LRRC37A2: variants seen among roughly 807,000 people sequenced by gnomAD.
LRRC37A2 encodes leucine rich repeat containing 37 member A2.
In LRRC37A2, 9 loss-of-function variants were observed where a neutral mutation model predicts 68.8. The ratio of observed to expected loss-of-function variants is 0.13; its 90% CI spans 0.08 to 0.23. The LOEUF (loss-of-function observed/expected upper bound fraction) is 0.23. LRRC37A2 is among the 10% of genes least tolerant of loss of function. The probability of loss-of-function intolerance (pLI) is 1.00; values close to 1 mark genes in which losing one functional copy is unlikely to be tolerated. For missense variants in LRRC37A2, 168 were observed against 950.4 expected (o/e 0.18, Z 10.82); for synonymous variants, 63 against 367.6 (o/e 0.17, Z 9.48).
chr17:46,634,580 A>G, the LRRC37A2 span, among the ~76,000 whole-genome samples: 1 of 64,640 alleles, frequency 1.5e-5, no homozygotes, highest in South Asian at 5.7e-4. Flanking sequence ...CTACTTGAGA[A>G]TCTGAGGCAC....
chr17:46,746,034 C>A, the LRRC37A2 span, among the ~76,000 whole-genome samples: 10 of 152,160 alleles, frequency 6.6e-5, no homozygotes, highest in Admixed American at 3.9e-4. Context: ...CTTTCTCTGC[C>A]ACGTGTTTCT....
At chr17:46,907,300 T>G in the LRRC37A2 span, among the ~76,000 whole-genome samples, 24 of 152,288 alleles carry the variant, frequency 1.6e-4, no homozygotes, top group African/African-American at 5.5e-4. Flanking sequence ...CAGGCGGGGC[T>G]TCCTTTGGAG....
chr17:46,823,082 AATAAATATG>A, the LRRC37A2 span, among the ~76,000 whole-genome samples: 2 of 130,680 alleles, frequency 1.5e-5, no homozygotes, highest in African/African-American at 2.9e-5. Flanking sequence ...ATGTATTTAT[AATAAATATG>A]TATTATATAA....
the LRRC37A2 span, among the ~76,000 whole-genome samples, chr17:46,739,995 A>T: frequency 6.6e-6 from 1 of 152,134 alleles, no homozygotes; most frequent in Admixed American, 6.5e-5. Context: ...CTGATTTTAA[A>T]AGAAATTAGA....
the LRRC37A2 span, among the ~76,000 whole-genome samples, chr17:46,492,854 C>T: frequency 2.7e-5 from 4 of 150,538 alleles, no homozygotes; most frequent in African/African-American, 5.0e-5. Flanking sequence ...CCACCACGCC[C>T]GGCTAATTTT....
intron 6 of LRRC37A2, among the ~76,000 whole-genome samples, chr17:46,535,304 G>A (rs2054520299): frequency 7.0e-6 from 1 of 142,932 alleles, no homozygotes; most frequent in Admixed American, 6.8e-5. Context: ...TTTGGCTTCT[G>A]TCAGTTTGAT....
chr17:46,876,455 A>G, the LRRC37A2 span: 93 of 1,613,512 alleles, frequency 5.8e-5, no homozygotes, highest in Non-Finnish European at 7.5e-5. Flanking sequence ...GGGCAGCCTC[A>G]CCAAAGGCCT....
the LRRC37A2 span, among the ~76,000 whole-genome samples, chr17:46,726,128 T>A: frequency 6.6e-6 from 1 of 152,240 alleles, no homozygotes; most frequent in Non-Finnish European, 1.5e-5. Flanking sequence ...ATTCTGATCT[T>A]TCAGTGTTAC....
chr17:46,816,983 C>T, the LRRC37A2 span, among the ~76,000 whole-genome samples: 1 of 152,220 alleles, frequency 6.6e-6, no homozygotes, highest in Non-Finnish European at 1.5e-5. Flanking sequence ...CCATGGACTT[C>T]TTTATGTGCT....
At chr17:46,940,189 CT>C in the LRRC37A2 span, 2 of 1,378,582 alleles carry the variant, frequency 1.5e-6, no homozygotes, top group Non-Finnish European at 1.9e-6. Flanking sequence ...CATAGCTCCC[CT>C]TTGGTAAGTT....
chr17:47,035,240 T>C, the LRRC37A2 span: 1 of 152,200 alleles, frequency 6.6e-6, no homozygotes, highest in Non-Finnish European at 1.5e-5. Flanking sequence ...CAAGGTTGTA[T>C]AGCAAACAAT....
At chr17:46,784,777 CT>C in the LRRC37A2 span, among the ~76,000 whole-genome samples, 10,685 of 129,096 alleles carry the variant, frequency 0.083, 1,184 homozygotes, top group African/African-American at 0.28. Flanking sequence ...TTTTGCTTTT[CT>C]TTTTTTTTTT....
At chr17:46,773,696 C>T in the LRRC37A2 span, 1 of 1,377,118 alleles carries the variant, frequency 7.3e-7, no homozygotes, top group South Asian at 1.1e-5. Context: ...CAAAGATGGC[C>T]AGGCTGTCAT....
At chr17:46,912,933 A>C in the LRRC37A2 span, among the ~76,000 whole-genome samples, 1 of 152,188 alleles carries the variant, frequency 6.6e-6, no homozygotes, top group African/African-American at 2.4e-5. Flanking sequence ...TCTGCCACCA[A>C]CAAGCTTGGC....
At chr17:46,970,861 C>T in the LRRC37A2 span, among the ~76,000 whole-genome samples, 3 of 152,188 alleles carry the variant, frequency 2.0e-5, no homozygotes, top group Non-Finnish European at 2.9e-5. Flanking sequence ...TCACGGTATA[C>T]GTTCAAAGTG....
At chr17:46,834,094 C>G in the LRRC37A2 span, among the ~76,000 whole-genome samples, 1 of 152,054 alleles carries the variant, frequency 6.6e-6, no homozygotes, top group Non-Finnish European at 1.5e-5. Flanking sequence ...ACTCGGGAGG[C>G]TGAGGGGAGA....
the LRRC37A2 span, among the ~76,000 whole-genome samples, chr17:46,773,136 T>C: frequency 6.6e-6 from 1 of 152,076 alleles, no homozygotes; most frequent in African/African-American, 2.4e-5. Flanking sequence ...GCCGGAAAGT[T>C]ACCCAGAGGC....
the LRRC37A2 span, chr17:46,935,097 C>A: frequency 6.2e-7 from 1 of 1,612,658 alleles, no homozygotes; most frequent in Non-Finnish European, 8.5e-7. Flanking sequence ...AAGTTCACAA[C>A]GGCATGGATG....
At chr17:46,830,026 A>G in the LRRC37A2 span, among the ~76,000 whole-genome samples, 23 of 152,164 alleles carry the variant, frequency 1.5e-4, no homozygotes, top group Non-Finnish European at 2.4e-4. Context: ...ACCTGTTATT[A>G]TCATGAGACC....
Sources: allele counts gnomAD v4.1 joint callset (sites outside exome capture counted in the v4.1 genomes callset), GRCh38; gene constraint gnomAD v4.1.1; transcripts MANE v1.5; gene names NCBI Gene and HGNC (gene_info 2026-07-23, HGNC 2026-07-21).